Variants in COL4A3 observed in about 807,000 individuals in gnomAD.
The protein encoded by COL4A3 is collagen alpha-3(IV) chain.
Under a neutral mutation model 217.4 loss-of-function variants are expected in COL4A3, and 135 were observed. The ratio of observed to expected loss-of-function variants is 0.62; its 90% CI spans 0.54 to 0.72. COL4A3 has a LOEUF of 0.72. Ranked by LOEUF, COL4A3 falls within the 30% of genes least tolerant of loss-of-function variation. The pLI is 0.00. For missense variants in COL4A3, 1,868 were observed against 2,119.9 expected, an observed-to-expected ratio of 0.88 and a Z score of 2.33; for synonymous variants, 690 against 736.3, an observed-to-expected ratio of 0.94 and a Z score of 1.02.
rs150241480 is a variant in COL4A3 at position 227,301,242 on chromosome 2, C to T, written c.3883-1796C>T. On this transcript the variant is annotated intron_variant, in intron 43 of 51. Coordinates refer to ENST00000396578, the MANE Select transcript of COL4A3 (RefSeq NM_000091.5). ...CTCTATGCAGCAGCCATTTTGTCCA[C>T]AAAAATATAGTAGAGAGAGCTACCA... Among the ~76,000 whole-genome samples the T allele has an allele frequency of 6.6e-5, 10 of 152,252 alleles. No homozygotes were observed. In the East Asian group the frequency reaches 1.9e-3, roughly 29 times the overall value.
chr2:227,256,026 G>T lies in COL4A3; in HGVS notation c.889G>T (p.Gly297Ter). ...KGAPGDPGLQ[G>*]KPGKDGVPGF... The stretch of plus-strand genomic sequence containing the variant: ...TGTTTTTGATTTGTTTTTGCTGTAG[G>T]GAAAACCCGGAAAAGATGGTGTTCC... Residue 297 changes from glycine to a stop codon, truncating the protein, a stop_gained and splice_region_variant, in exon 16 of 52, where the codon GGA becomes TGA. Coordinates refer to ENST00000396578, the MANE Select transcript of COL4A3 (RefSeq NM_000091.5). LOFTEE classifies it high-confidence loss of function. The T allele has an allele frequency of 5.6e-6, 9 of 1,613,794 alleles. No individual in the cohort carries two copies. Among genetic ancestry groups the T allele is most frequent in the Non-Finnish European group, 7.6e-6 (9 of 1,179,784 alleles).
At chr2:227,225,406 G>C (rs2068033023) in intron 1 of COL4A3, among the ~76,000 whole-genome samples, 1 of 152,106 alleles carries the variant, frequency 6.6e-6, no homozygotes, top group South Asian at 2.1e-4. Context: ...AATGTTTTCT[G>C]AAAAATGTGT....
In COL4A3 at chr2:227,164,892, C is replaced by T. The variant is rs1421934970; in HGVS notation, c.87+79C>T. On this transcript the variant is annotated intron_variant, in intron 1 of 51. Transcript: ENST00000396578. This position sits in a 1 kb window ranked among gnomAD's most constrained non-coding sequence, Gnocchi z 4.8. ...GTCCGGGGGACGCGCTGGCCCCACC[C>T]GCAGCGGCGCGGTAGTGGAGCGGCT... 34 of 1,383,412 alleles carry T rather than the reference C, an allele frequency of 2.5e-5. No individual in the cohort carries two copies. Among genetic ancestry groups the T allele is most frequent in the Non-Finnish European group, 2.9e-5 (31 of 1,071,194 alleles). The allele number at this position is 1,383,412 out of a possible 1,614,324, so 85.7% of individuals were successfully genotyped here.
chr2:227,254,308 G>GT, intron 14 of COL4A3, 134 bp downstream of exon 14: 1 of 772,394 alleles, frequency 1.3e-6, no homozygotes, highest in Non-Finnish European at 2.2e-6. Flanking sequence ...CTACTCCACA[G>GT]GCAGAGCAGC....
Position 227,307,944 on chromosome 2 carries a change from G to A in COL4A3, c.4462+25G>A, listed in dbSNP as rs544187570. 7.8e-5 allele frequency: 125 copies of A among 1,601,134 alleles called. 1 individual carries two copies. The South Asian group carries it at 1.3e-3, about 17-fold the overall frequency. On this transcript the variant is annotated intron_variant, in intron 48 of 51. Coordinates refer to ENST00000396578, the MANE Select transcript of COL4A3 (RefSeq NM_000091.5). ...GGTAATGTCCCAGTCCCAGTTGCCAGTTGTGCTGTTCCACATGCAGATTGT... is the reference window on the plus strand; with the variant it reads ...GGTAATGTCCCAGTCCCAGTTGCCAATTGTGCTGTTCCACATGCAGATTGT...
At chr2:227,291,125 T>G (rs2072673287) in intron 37 of COL4A3, 1 of 500,016 alleles carries the variant, frequency 2.0e-6, no homozygotes, top group Admixed American at 3.2e-5. Context: ...GTCTCTGCAA[T>G]TTAGGTGTGC....
chr2:227,302,078 C>G (rs1022561982), intron 43 of COL4A3: 3 of 152,200 alleles, frequency 2.0e-5, no homozygotes, highest in Admixed American at 2.0e-4. Context: ...TTCCAGAAGC[C>G]CTGCTCCCTC....
At chr2:227,295,400 T>G in intron 41 of COL4A3, 84 bp downstream of exon 41, 1 of 1,186,434 alleles carries the variant, frequency 8.4e-7, no homozygotes. Flanking sequence ...TAAAGTAAGC[T>G]TAACCTAGTG....
rs557715458 is a variant in COL4A3, at chr2:227,303,086, T to G, written c.3931T>G (p.Phe1311Val). The G allele has an allele frequency of 6.2e-7, 1 of 1,613,954 alleles. No individual in the cohort carries two copies. Among genetic ancestry groups the G allele is most frequent in the African/African-American group, 1.3e-5 (1 of 75,036 alleles). The change falls in exon 44 of 52, where the codon TTC (phenylalanine) becomes GTC (valine). Residue 1311 changes from phenylalanine to valine, a missense_variant. Physicochemically the swap from Phe to Val is conservative, Grantham distance 50 (BLOSUM62 -1). Around this residue, in one of 2 missense-constraint regions of COL4A3, gnomAD observed 1,503 missense variants for 1,786.1 expected, o/e 0.84. Transcript: ENST00000396578. ...GLPGPRGDPGFQGFPGVKGEK... is the reference protein window; with the variant it reads ...GLPGPRGDPGVQGFPGVKGEK... ...TCCAGGACCCAGAGGTGATCCTGGA[T>G]TCCAGGGGTTTCCAGGCGTGAAAGG...
chr2:227,267,152 T>C (rs2070948139), intron 23 of COL4A3, 64 bp downstream of exon 23: 1 of 1,163,744 alleles, frequency 8.6e-7, no homozygotes, highest in Admixed American at 1.7e-5. Context: ...TGGAAGAAAA[T>C]AAAGGCATTG....
chr2:227,223,164 C>T (rs1321684140), intron 1 of COL4A3, among the ~76,000 whole-genome samples: 2 of 152,120 alleles, frequency 1.3e-5, no homozygotes, highest in African/African-American at 2.4e-5. Context: ...AACTAAGCCC[C>T]TGCAAGCTGC....
chr2:227,166,073 A>G (rs1439368468), intron 1 of COL4A3, among the ~76,000 whole-genome samples: 1 of 152,228 alleles, frequency 6.6e-6, no homozygotes, highest in Non-Finnish European at 1.5e-5. Flanking sequence ...CCATGTCAGT[A>G]TTTAAGATCC....
chr2:227,269,124 C>G (rs982376581), intron 23 of COL4A3, among the ~76,000 whole-genome samples: 3 of 152,098 alleles, frequency 2.0e-5, no homozygotes, highest in African/African-American at 7.2e-5. Flanking sequence ...TTAAAGGGAT[C>G]ATCTTGATAG....
intron 27 of COL4A3, among the ~76,000 whole-genome samples, chr2:227,277,236 G>A (rs536318562): frequency 3.0e-4 from 45 of 151,724 alleles, no homozygotes; most frequent in Non-Finnish European, 5.4e-4. Flanking sequence ...GGAGAATGGC[G>A]TGAACCCAGG....
chr2:227,303,192 G>T, intron 44 of COL4A3, 82 bp downstream of exon 44: 2 of 1,207,876 alleles, frequency 1.7e-6, no homozygotes, highest in Admixed American at 1.7e-5. Context: ...GTTTGCTGAA[G>T]TACAGACAGC....
At chr2:227,276,279 AT>A in intron 26 of COL4A3, 105 bp from the exon 27 acceptor site, 2 of 851,898 alleles carry the variant, frequency 2.3e-6, no homozygotes, top group Non-Finnish European at 2.0e-6. Context: ...GTTATTTTTT[AT>A]TTTTTGGGGA....
At chr2:227,259,017 T>C (rs1296164787) in intron 18 of COL4A3, among the ~76,000 whole-genome samples, 1 of 151,620 alleles carries the variant, frequency 6.6e-6, no homozygotes, top group Non-Finnish European at 1.5e-5. Context: ...TTTTTTTTTT[T>C]CAAACCTTTG....
rs1361338552 is a variant in COL4A3 at position 227,311,815 on chromosome 2, G to A, written c.4958G>A (p.Gly1653Glu). 6.2e-7 allele frequency: 1 copy of A among 1,613,882 alleles called. No homozygotes were observed. The highest frequency in any genetic ancestry group is 8.5e-7 in the Non-Finnish European group (1 of 1,179,968). The change falls in exon 52 of 52, where the codon GGG becomes GAG. Residue 1653 changes from glycine to glutamate, a missense_variant. Gly to Glu is a moderately conservative substitution (Grantham distance 98). Around this residue, in one of 2 missense-constraint regions of COL4A3, gnomAD observed 1,503 missense variants for 1,786.1 expected, o/e 0.84. Transcript: ENST00000396578. ...CCTATTCCATCAACTGTGAAAGCTG[G>A]GGAATTAGAAAAAATAATAAGTCGC... The part of the protein sequence containing the change: ...RKPIPSTVKA[G>E]ELEKIISRCQ...
At position 227,312,035 on chromosome 2, in the gene COL4A3, G is replaced by A; in HGVS notation, c.*165G>A. ...CCACAAAACAAAGCAATTCTTTCAA[G>A]TCAGTTCTGTGATCTGGGTCTCTAA... is the stretch of plus-strand genomic sequence containing the variant. On this transcript the variant is annotated 3_prime_UTR_variant, in exon 52 of 52. Transcript: ENST00000396578. 1 of 1,292,722 alleles carries A rather than the reference G, an allele frequency of 7.7e-7. No homozygotes were observed. The highest frequency in any genetic ancestry group is 1.4e-5 in the South Asian group (1 of 73,938). The allele number at this position is 1,292,722 out of a possible 1,614,324, so 80.1% of individuals were successfully genotyped here.
Sources: gnomAD v4.1 joint callset for allele counts (sites outside exome capture counted in the v4.1 genomes callset) on GRCh38, gnomAD v4.1.1 for gene constraint, gnomAD v4.1.1 regional missense constraint, Gnocchi (gnomAD v3.1) non-coding constraint, MANE v1.5 for transcripts, NCBI Gene and HGNC (gene_info 2026-07-23, HGNC 2026-07-21) for gene names.